The following MMP26 variants were observed in gnomAD, a reference collection of about 807,000 sequenced individuals.
MMP26 encodes matrix metallopeptidase 26.
MMP26 carries 33 observed loss-of-function variants against 31.0 expected under a neutral mutation model. That is an observed-to-expected ratio of 1.06 (90% CI 0.81 to 1.42). MMP26 has a LOEUF of 1.42. MMP26 is among the 40% of genes most tolerant of loss of function. MMP26 has a pLI of 0.00. For synonymous variants in MMP26, 122 were observed against 114.9 expected (o/e 1.06, Z -0.40); for missense variants, 347 against 316.1 (o/e 1.10, Z -0.74).
chr11:4,919,508 G>A (rs1851150223), intron 2 of MMP26, among the ~76,000 whole-genome samples: 1 of 152,118 alleles, frequency 6.6e-6, no homozygotes, highest in East Asian at 1.9e-4. Flanking sequence ...AAGAGAAAAA[G>A]GGGCAAGGAG....
chr11:4,957,549 T>G (rs1846461073), intron 2 of MMP26, among the ~76,000 whole-genome samples: 1 of 152,188 alleles, frequency 6.6e-6, no homozygotes, highest in Non-Finnish European at 1.5e-5. Context: ...GCAGATGTTT[T>G]TCTCTTATCT....
chr11:4,947,029 A>C (rs1846323036), intron 2 of MMP26: 1 of 1,583,424 alleles, frequency 6.3e-7, no homozygotes, highest in Non-Finnish European at 8.6e-7. Flanking sequence ...AGATGTGTGC[A>C]TATTCTAGCC....
chr11:4,838,053 C>G (rs1395670262), intron 2 of MMP26, among the ~76,000 whole-genome samples: 1 of 151,778 alleles, frequency 6.6e-6, no homozygotes, highest in African/African-American at 2.4e-5. Flanking sequence ...CACGGTGACT[C>G]ACACCTGTAA....
chr11:4,766,129 T>G (rs7112009), intron 1 of MMP26, among the ~76,000 whole-genome samples: 1 of 152,030 alleles, frequency 6.6e-6, no homozygotes, highest in Admixed American at 6.6e-5. Context: ...TTCATGGATT[T>G]TTGCCATAAA....
intron 2 of MMP26, among the ~76,000 whole-genome samples, chr11:4,786,316 C>A (rs1341845646): frequency 6.6e-6 from 1 of 152,014 alleles, no homozygotes; most frequent in Non-Finnish European, 1.5e-5. Context: ...AATTTAATGC[C>A]AATCCTCCCT....
At chr11:4,836,820 C>T (rs1174465478) in intron 2 of MMP26, among the ~76,000 whole-genome samples, 4 of 150,970 alleles carry the variant, frequency 2.6e-5, no homozygotes, top group South Asian at 2.1e-4. Flanking sequence ...CCACCATGCC[C>T]AGCTAATTTT....
chr11:4,809,698 C>A (rs528115356), intron 2 of MMP26, among the ~76,000 whole-genome samples: 1 of 152,310 alleles, frequency 6.6e-6, no homozygotes, highest in South Asian at 2.1e-4. Context: ...GTATTCCTAC[C>A]TTTCTCAGGT....
chr11:4,815,318 T>C (rs1441039672), intron 2 of MMP26, among the ~76,000 whole-genome samples: 1 of 152,230 alleles, frequency 6.6e-6, no homozygotes, highest in East Asian at 1.9e-4. Context: ...GCTATCAATT[T>C]TCATTGCCAG....
At chr11:4,883,997 C>T (rs1259682837) in intron 2 of MMP26, among the ~76,000 whole-genome samples, 4 of 152,156 alleles carry the variant, frequency 2.6e-5, no homozygotes, top group Non-Finnish European at 5.9e-5. Context: ...GGGAACACCA[C>T]TCCCAATCTG....
At chr11:4,830,834 T>C (rs187055284) in intron 2 of MMP26, among the ~76,000 whole-genome samples, 1 of 151,968 alleles carries the variant, frequency 6.6e-6, no homozygotes, top group African/African-American at 2.4e-5. Context: ...ATCTGAAGGG[T>C]AGACACACAG....
intron 2 of MMP26, among the ~76,000 whole-genome samples, chr11:4,773,735 T>C (rs1290721219): frequency 6.6e-6 from 1 of 151,922 alleles, no homozygotes; most frequent in Non-Finnish European, 1.5e-5. Context: ...ACCCATCACC[T>C]AGGTATTAAG....
intron 2 of MMP26, among the ~76,000 whole-genome samples, chr11:4,938,810 C>A: frequency 6.6e-6 from 1 of 151,996 alleles, no homozygotes; most frequent in South Asian, 2.1e-4. Context: ...AATGGCAGAA[C>A]TGGAAGTTCA....
intron 2 of MMP26, among the ~76,000 whole-genome samples, chr11:4,933,781 A>T (rs2133593282): frequency 7.2e-6 from 1 of 138,222 alleles, no homozygotes; most frequent in South Asian, 2.3e-4. Flanking sequence ...TGTCCATGTG[A>T]TCTCATTGTT....
intron 2 of MMP26, among the ~76,000 whole-genome samples, chr11:4,793,550 AAAAACAGTACTT>A (rs1849061120): frequency 6.6e-6 from 1 of 152,188 alleles, no homozygotes; most frequent in Admixed American, 6.6e-5. Flanking sequence ...ACAGCATTTT[AAAAACAGTACTT>A]GAATAGGGAA....
At chr11:4,872,532 C>T (rs760980681) in intron 2 of MMP26, among the ~76,000 whole-genome samples, 18 of 151,972 alleles carry the variant, frequency 1.2e-4, no homozygotes, top group Admixed American at 5.3e-4. Context: ...TTCTGAGCCC[C>T]AGCTCAAGGT....
At chr11:4,710,227 A>G (rs772567997) in intron 1 of MMP26, 3 of 456,486 alleles carry the variant, frequency 6.6e-6, no homozygotes, top group African/African-American at 4.0e-5. Flanking sequence ...CTCATCTCCT[A>G]TGTTCTGATC....
intron 2 of MMP26, among the ~76,000 whole-genome samples, chr11:4,828,759 G>C (rs1372697691): frequency 6.6e-6 from 1 of 152,096 alleles, no homozygotes; most frequent in Non-Finnish European, 1.5e-5. Flanking sequence ...TTTCATGACA[G>C]CTGCAATTTG....
At chr11:4,870,227 A>G (rs1850292759) in intron 2 of MMP26, among the ~76,000 whole-genome samples, 1 of 152,146 alleles carries the variant, frequency 6.6e-6, no homozygotes, top group African/African-American at 2.4e-5. Context: ...ATGATAATAA[A>G]AAAAGAAATA....
chr11:4,803,731 A>G (rs1208033540), intron 2 of MMP26: 7 of 1,613,798 alleles, frequency 4.3e-6, no homozygotes, highest in East Asian at 2.2e-5. Flanking sequence ...TGACATACCA[A>G]TGACAATCAT....
Sources: gnomAD v4.1 joint callset for allele counts (sites outside exome capture counted in the v4.1 genomes callset) on GRCh38, gnomAD v4.1.1 for gene constraint, MANE v1.5 for transcripts, NCBI Gene and HGNC (gene_info 2026-07-23, HGNC 2026-07-21) for gene names.